SPAG16: variants seen among roughly 807,000 people sequenced by gnomAD.
SPAG16 encodes the protein sperm-associated antigen 16 protein.
A neutral mutation model predicts 80.4 loss-of-function variants in SPAG16; 86 were observed. The observed-to-expected ratio is 1.07, with a 90% CI of 0.90 to 1.28. The LOEUF is 1.28. Ranked by LOEUF, SPAG16 falls within the 50% of genes most tolerant of loss-of-function variation. The probability of loss-of-function intolerance (pLI) is 0.00; values close to 1 mark genes in which losing one functional copy is unlikely to be tolerated. For missense variants in SPAG16, 870 were observed against 765.3 expected (o/e 1.14, Z -1.61); for synonymous variants, 294 against 265.9 (o/e 1.11, Z -1.03).
rs139044078 is a variant in SPAG16 at position 214,298,345 on chromosome 2, C to T, written c.1721-111795C>T. Among the ~76,000 whole-genome samples, 17 of 152,040 alleles carry T rather than the reference C, an allele frequency of 1.1e-4. No homozygotes were observed. The East Asian group carries it at 3.1e-3, about 28-fold the overall frequency. The stretch of plus-strand genomic sequence containing the variant: ...AAAGTTAGGAGTCTTTTGGAAGAGT[C>T]TTAGGGTTTCTAGGTATAATATCAT... On this transcript the variant is annotated intron_variant, in intron 15 of 15. Coordinates refer to ENST00000331683, the MANE Select transcript of SPAG16 (RefSeq NM_024532.5).
At chr2:213,447,230 C>T (rs977254454) in intron 9 of SPAG16, among the ~76,000 whole-genome samples, 3 of 152,314 alleles carry the variant, frequency 2.0e-5, no homozygotes, top group African/African-American at 4.8e-5. Context: ...GGATCATCAT[C>T]CTACTTTGCA....
At chr2:214,213,820 G>A (rs1240280838) in intron 15 of SPAG16, among the ~76,000 whole-genome samples, 2 of 152,160 alleles carry the variant, frequency 1.3e-5, no homozygotes, top group African/African-American at 4.8e-5. Context: ...GTCCTGGGTA[G>A]GTGAAGGTGC....
chr2:213,668,755 T>C (rs1313667834), intron 10 of SPAG16, among the ~76,000 whole-genome samples: 1 of 152,112 alleles, frequency 6.6e-6, no homozygotes, highest in Non-Finnish European at 1.5e-5. Context: ...TTCAAGCGAT[T>C]CTCCTGCCTG....
chr2:213,827,332 G>A (rs1442904827), intron 10 of SPAG16, among the ~76,000 whole-genome samples: 1 of 151,448 alleles, frequency 6.6e-6, no homozygotes, highest in Non-Finnish European at 1.5e-5. Flanking sequence ...TATTTTTTGT[G>A]TACTCATTGT....
chr2:213,839,258 T>A (rs1364389869), intron 10 of SPAG16, among the ~76,000 whole-genome samples: 2 of 152,232 alleles, frequency 1.3e-5, no homozygotes, highest in Non-Finnish European at 2.9e-5. Context: ...CACTTATTAA[T>A]TATTAATTAT....
At chr2:213,396,498 G>T in intron 9 of SPAG16, 1 of 225,072 alleles carries the variant, frequency 4.4e-6, no homozygotes, top group Non-Finnish European at 9.3e-6. Flanking sequence ...TTCCTTTGTT[G>T]GCTTTGAGGC....
intron 10 of SPAG16, among the ~76,000 whole-genome samples, chr2:213,800,853 T>C (rs1472035114): frequency 6.6e-6 from 1 of 152,156 alleles, no homozygotes; most frequent in Non-Finnish European, 1.5e-5. Context: ...GTGCCAATAT[T>C]ATGCTATGCT....
At chr2:214,002,293 A>C (rs189807632) in intron 12 of SPAG16, among the ~76,000 whole-genome samples, 1 of 152,322 alleles carries the variant, frequency 6.6e-6, no homozygotes, top group Admixed American at 6.5e-5. Flanking sequence ...GCTCACATTC[A>C]TTCTTACTCT....
At chr2:214,303,915 T>C (rs918390466) in intron 15 of SPAG16, among the ~76,000 whole-genome samples, 38 of 152,210 alleles carry the variant, frequency 2.5e-4, no homozygotes, top group African/African-American at 9.2e-4. Context: ...ACAGGTAAAC[T>C]TGTATCATGG....
At chr2:213,615,238 T>C (rs1368997660) in intron 10 of SPAG16, among the ~76,000 whole-genome samples, 1 of 152,240 alleles carries the variant, frequency 6.6e-6, no homozygotes, top group Non-Finnish European at 1.5e-5. Context: ...ACCAAAATTG[T>C]TATTATGAAT....
intron 10 of SPAG16, among the ~76,000 whole-genome samples, chr2:213,763,740 A>G (rs1480606977): frequency 2.0e-5 from 3 of 152,184 alleles, no homozygotes; most frequent in African/African-American, 7.2e-5. Context: ...GCAATATGAT[A>G]TTGTGGAAAG....
rs578244246 is a variant in SPAG16 at position 213,595,408 on chromosome 2, C to T, written c.1070+105318C>T. On this transcript the variant is annotated intron_variant, in intron 10 of 15. Transcript: ENST00000331683. ...CCAGCTGGAAAAAGTTAGACAAAGA[C>T]ACATAGGCAGGTAACTATTGTCTAT... Among the ~76,000 whole-genome samples, 20 of 152,212 alleles carry T rather than the reference C, an allele frequency of 1.3e-4. 1 individual carries two copies. The Middle Eastern group carries it at 0.01, about 78-fold the overall frequency.
intron 15 of SPAG16, among the ~76,000 whole-genome samples, chr2:214,320,678 A>G (rs1696032978): frequency 6.6e-6 from 1 of 152,208 alleles, no homozygotes; most frequent in Admixed American, 6.5e-5. Context: ...AGGGCGCCTT[A>G]TAAAACCATC....
intron 11 of SPAG16, among the ~76,000 whole-genome samples, chr2:213,867,329 A>G (rs1015299851): frequency 6.6e-6 from 1 of 152,246 alleles, no homozygotes; most frequent in African/African-American, 2.4e-5. Context: ...CATTAGCACT[A>G]TCTTTGTACT....
intron 10 of SPAG16, among the ~76,000 whole-genome samples, chr2:213,587,032 C>T (rs916474022): frequency 6.6e-6 from 1 of 152,182 alleles, no homozygotes; most frequent in African/African-American, 2.4e-5. Context: ...TCTGCAGCAG[C>T]TCTGTGCCTG....
intron 15 of SPAG16, among the ~76,000 whole-genome samples, chr2:214,302,819 T>C (rs2125958544): frequency 6.6e-6 from 1 of 152,340 alleles, no homozygotes; most frequent in Admixed American, 6.5e-5. Flanking sequence ...CTCTGGTGCA[T>C]ATGAATTTAT....
chr2:214,090,163 A>C (rs908363244), intron 13 of SPAG16, among the ~76,000 whole-genome samples: 7 of 152,068 alleles, frequency 4.6e-5, no homozygotes, highest in Admixed American at 1.3e-4. Context: ...ATGAAGTGTG[A>C]TGATGGTGAT....
chr2:214,205,053 AC>A (rs1245883892), intron 15 of SPAG16, among the ~76,000 whole-genome samples: 1 of 152,060 alleles, frequency 6.6e-6, no homozygotes, highest in African/African-American at 2.4e-5. Context: ...ACATGGTGAA[AC>A]CCCGTCTCTA....
intron 15 of SPAG16, among the ~76,000 whole-genome samples, chr2:214,357,128 G>A (rs1157615172): frequency 6.6e-6 from 1 of 151,770 alleles, no homozygotes; most frequent in Non-Finnish European, 1.5e-5. Context: ...CCCCTTGAAT[G>A]GTCCCTGTCA....
Sources: gnomAD v4.1 joint callset for allele counts (sites outside exome capture counted in the v4.1 genomes callset) on GRCh38, gnomAD v4.1.1 for gene constraint, MANE v1.5 for transcripts, NCBI Gene and HGNC (gene_info 2026-07-23, HGNC 2026-07-21) for gene names.